ASAH1: variants seen among roughly 807,000 people sequenced by gnomAD.
The protein encoded by ASAH1 is N-acylsphingosine amidohydrolase 1, also known as acid ceramidase.
ASAH1 carries 70 observed loss-of-function variants against 59.5 expected under a neutral mutation model. That is an observed-to-expected ratio of 1.18 (90% confidence interval 0.97 to 1.43). The LOEUF (loss-of-function observed/expected upper bound fraction) is 1.43. ASAH1 is among the 40% of genes most tolerant of loss of function. ASAH1 has a pLI of 0.00. For missense variants in ASAH1, 660 were observed against 482.5 expected (o/e 1.37, Z -3.45); for synonymous variants, 213 against 166.5 (o/e 1.28, Z -2.15).
chr8:18,062,290 C>T lies in ASAH1; in HGVS notation c.637G>A (p.Gly213Arg), dbSNP rs1190139418. The change falls in exon 8 of 14, where the codon GGA (glycine) becomes AGA (arginine). Residue 213 changes from glycine (G) to arginine (R), a missense_variant. Transcript: ENST00000637790. ...AACAGACTCCTTACTGGTTTGAATC[C>T]TGTTAACATGCCCACATAGCCAGCA... Reference protein sequence around the residue: ...SFAGYVGMLTGFKPGLFSLTL... With the variant: ...SFAGYVGMLTRFKPGLFSLTL... 1.2e-6 allele frequency: 2 copies of T among 1,614,216 alleles called. No homozygotes were observed. Among genetic ancestry groups the T allele is most frequent in the African/African-American group, 2.7e-5 (2 of 75,064 alleles).
At chr8:18,071,459 A>G (rs1800174798) in intron 2 of ASAH1, 69 bp from the exon 3 acceptor site, 2 of 1,022,616 alleles carry the variant, frequency 2.0e-6, no homozygotes, top group Non-Finnish European at 3.0e-6. Flanking sequence ...AGATACATCT[A>G]TAAGAATATA....
upstream of ASAH1, chr8:18,084,826 T>C (rs772022521): frequency 9.3e-6 from 15 of 1,611,676 alleles, no homozygotes; most frequent in Non-Finnish European, 1.2e-5. Context: ...TCCTCCTAAC[T>C]GGCGAAGGAC....
At chr8:18,081,972 T>A (rs1042294135) in intron 1 of ASAH1, among the ~76,000 whole-genome samples, 1 of 152,240 alleles carries the variant, frequency 6.6e-6, no homozygotes, top group Non-Finnish European at 1.5e-5. Flanking sequence ...ATGGAGATGT[T>A]AAAACAAAAC....
chr8:18,082,632 C>T (rs1037243121), intron 1 of ASAH1: 2 of 152,230 alleles, frequency 1.3e-5, no homozygotes, highest in African/African-American at 2.4e-5. Context: ...ATTCTATCTA[C>T]AGCAAAGCCC....
At chr8:18,080,634 T>G (rs922511510) in intron 1 of ASAH1, among the ~76,000 whole-genome samples, 2 of 152,228 alleles carry the variant, frequency 1.3e-5, no homozygotes, top group East Asian at 1.9e-4. Flanking sequence ...CTTGGCTCAC[T>G]GCAACCTCTC....
intron 1 of ASAH1, 39 bp downstream of exon 1, chr8:18,083,942 T>A (rs1176224089): frequency 1.3e-6 from 2 of 1,584,942 alleles, no homozygotes; most frequent in East Asian, 4.5e-5. Context: ...CGCCCGCACC[T>A]GCACGCCCCT....
At position 18,071,330 on chromosome 8, in the gene ASAH1, C is replaced by T. The variant is rs769683272; in HGVS notation, c.186G>A (p.Trp62Ter). 27 of 1,603,442 alleles carry T rather than the reference C, an allele frequency of 1.7e-5. No homozygotes were observed. The highest frequency in any genetic ancestry group is 2.0e-5 in the Non-Finnish European group (24 of 1,172,594). The change falls in exon 3 of 14, where the codon TGG becomes TGA. Residue 62 changes from tryptophan to a stop codon, truncating the protein, a stop_gained. Transcript: ENST00000637790. LOFTEE classifies it high-confidence loss of function. ...GTGCCTTGTCAAGCATCAATTCATGCCATCTTTTGTAGGGTGGTAAGTCAA... is the reference window on the plus strand; with the variant it reads ...GTGCCTTGTCAAGCATCAATTCATGTCATCTTTTGTAGGGTGGTAAGTCAA... ...INLDLPPYKR[W>*]HELMLDKAPV...
At chr8:18,071,493 G>C in intron 2 of ASAH1, 103 bp from the exon 3 acceptor site, 1 of 806,400 alleles carries the variant, frequency 1.2e-6, no homozygotes, top group South Asian at 1.5e-5. Flanking sequence ...CTTAACAGCA[G>C]TGTAGAATTT....
intron 2 of ASAH1, chr8:18,073,306 C>A (rs749007264): frequency 6.4e-7 from 1 of 1,558,284 alleles, no homozygotes; most frequent in Non-Finnish European, 8.8e-7. Context: ...ATAAAAAAAA[C>A]ACTTAGCAGC....
intron 8 of ASAH1, 119 bp downstream of exon 8, chr8:18,062,159 AG>A: frequency 7.5e-7 from 1 of 1,338,638 alleles, no homozygotes; most frequent in Admixed American, 1.7e-5. Context: ...AAGAAGTACA[AG>A]GGGGTGAAAT....
At chr8:18,058,465 C>T (rs1469452548) in intron 13 of ASAH1, 6 of 207,066 alleles carry the variant, frequency 2.9e-5, no homozygotes, top group South Asian at 2.7e-4. Context: ...TAAGGGAAAC[C>T]CGAACCCACC....
intron 5 of ASAH1, chr8:18,066,885 C>T (rs1180760744): frequency 9.3e-6 from 3 of 322,670 alleles, no homozygotes; most frequent in Non-Finnish European, 1.7e-5. Context: ...CAGGACAGTT[C>T]ATATTGTTCA....
chr8:18,063,255 C>A, intron 6 of ASAH1, 25 bp from the exon 7 acceptor site: 1 of 1,581,148 alleles, frequency 6.3e-7, no homozygotes, highest in African/African-American at 1.3e-5. Context: ...ACAGAAGAGA[C>A]GTGTAATAGC....
rs1564532547 is a variant in ASAH1 at position 18,056,507 on chromosome 8, T to A, written c.*1027A>T. 2.0e-5 allele frequency: 3 copies of A among 152,194 alleles called. No individual in the cohort carries two copies. Among genetic ancestry groups the A allele is most frequent in the Non-Finnish European group, 1.5e-5 (1 of 68,052 alleles). 9.4% of individuals were successfully genotyped at this position (152,194 alleles called of 1,614,324 possible). A position where few individuals can be genotyped will look rare whatever the true frequency, so the allele number is the denominator to read the frequency against. ...GGAACACAACTGTGATTATACAAAA[T>A]GAAGTGGACAAACGGTCTTGCACAA... On this transcript the variant is annotated 3_prime_UTR_variant, in exon 14 of 14. Coordinates refer to ENST00000637790, the MANE Select transcript of ASAH1 (RefSeq NM_177924.5).
At chr8:18,073,111 T>A (rs1588995482) in intron 2 of ASAH1, 1 of 778,836 alleles carries the variant, frequency 1.3e-6, no homozygotes, top group East Asian at 2.9e-5. Flanking sequence ...TTGAGAGAAC[T>A]GGTTAATCTA....
chr8:18,074,887 T>A (rs1465753527), intron 2 of ASAH1, among the ~76,000 whole-genome samples: 1 of 152,186 alleles, frequency 6.6e-6, no homozygotes, highest in Non-Finnish European at 1.5e-5. Context: ...GTGGTTTATA[T>A]CCAGGCACCA....
At chr8:18,064,713 G>A (rs925864804) in intron 5 of ASAH1, 182 bp from the exon 6 acceptor site, 1 of 563,992 alleles carries the variant, frequency 1.8e-6, no homozygotes, top group Admixed American at 3.3e-5. Context: ...GACTCAAGAT[G>A]AAACAAGTCA....
At chr8:18,061,870 A>T in intron 8 of ASAH1, 130 bp from the exon 9 acceptor site, 1 of 884,052 alleles carries the variant, frequency 1.1e-6, no homozygotes, top group Non-Finnish European at 1.8e-6. Context: ...ATAAATCAAA[A>T]CCATAAAAGG....
intron 1 of ASAH1, among the ~76,000 whole-genome samples, chr8:18,082,101 G>A (rs1263217062): frequency 6.6e-6 from 1 of 152,182 alleles, no homozygotes; most frequent in Non-Finnish European, 1.5e-5. Flanking sequence ...AATAATTTTA[G>A]TTTTGCATTC....
Sources: allele counts gnomAD v4.1 joint callset (sites outside exome capture counted in the v4.1 genomes callset), GRCh38; gene constraint gnomAD v4.1.1; transcripts MANE v1.5; gene names NCBI Gene and HGNC (gene_info 2026-07-23, HGNC 2026-07-21).